POLE4: variants seen among roughly 807,000 people sequenced by gnomAD.
POLE4 encodes DNA polymerase epsilon subunit 4.
Under a neutral mutation model 15.6 loss-of-function variants are expected in POLE4, and 15 were observed. The ratio of observed to expected loss-of-function variants is 0.96; its 90% CI spans 0.64 to 1.48. The LOEUF is 1.48. Among genes scored for constraint, POLE4 ranks in the 40% most tolerant of loss-of-function variants. The pLI, the probability that POLE4 is intolerant of heterozygous loss-of-function variation, is 0.00. For missense variants in POLE4, 205 were observed against 151.9 expected (o/e 1.35, Z -1.84); for synonymous variants, 83 against 63.2 (o/e 1.31, Z -1.49).
chr2:74,959,069 C>T, intron 1 of POLE4, 177 bp downstream of exon 1: 1 of 631,904 alleles, frequency 1.6e-6, no homozygotes, highest in South Asian at 1.9e-5. Context: ...TAACACTCCT[C>T]CCTCTTGTTG....
Position 74,958,672 on chromosome 2 carries a change from A to G in POLE4, c.-8A>G. On this transcript the variant is annotated 5_prime_UTR_variant, in exon 1 of 4. Coordinates refer to ENST00000483063, the MANE Select transcript of POLE4 (RefSeq NM_019896.4). Reference sequence around the variant, plus strand: ...TCGGCGGCCGCGCGCAGCACGCTCAAGGCCGGGATGGCGGCGGCGGCGGCG... The same window carrying G: ...TCGGCGGCCGCGCGCAGCACGCTCAGGGCCGGGATGGCGGCGGCGGCGGCG... 2 of 1,444,394 alleles carry G rather than the reference A, an allele frequency of 1.4e-6. No homozygotes were observed. The highest frequency in any genetic ancestry group is 1.5e-5 in the South Asian group (1 of 68,654). 89.5% of individuals were successfully genotyped at this position (1,444,394 alleles called of 1,614,324 possible).
At position 74,960,731 on chromosome 2, in the gene POLE4, G is replaced by A. The variant is rs1334048949; in HGVS notation, c.340+585G>A. On this transcript the variant is annotated intron_variant, in intron 3 of 3. Coordinates refer to ENST00000483063, the MANE Select transcript of POLE4 (RefSeq NM_019896.4). ...CTGATCAGCTTACTCTTCACTACAC[G>A]TATGTAGTCATGTGCTGCGTAATAA... 20 of 402,248 alleles carry A rather than the reference G, an allele frequency of 5.0e-5. No individual in the cohort carries two copies. In the East Asian group the frequency reaches 1.1e-3, roughly 22 times the overall value. The allele number at this position is 402,248 out of a possible 1,614,324, so 24.9% of individuals were successfully genotyped here.
At chr2:74,963,286 G>A (rs968648732) in intron 3 of POLE4, among the ~76,000 whole-genome samples, 4 of 152,054 alleles carry the variant, frequency 2.6e-5, no homozygotes, top group Non-Finnish European at 4.4e-5. Context: ...CCCACACTTG[G>A]TATTACCAGA....
chr2:74,958,943 G>GCGGGGCCT (rs1339174732), intron 1 of POLE4, 51 bp downstream of exon 1: 6 of 1,504,172 alleles, frequency 4.0e-6, no homozygotes, highest in Middle Eastern at 1.7e-4. Context: ...GGAGTGTGGG[G>GCGGGGCCT]CGGGGCCTCG....
Position 74,969,722 on chromosome 2 carries a change from G to C in POLE4, c.*300G>C. 2.3e-6 allele frequency: 1 copy of C among 437,978 alleles called. No individual in the cohort carries two copies. 27.1% of individuals were successfully genotyped at this position (437,978 alleles called of 1,614,324 possible). ...GATGAGGACCAGAATAAAGGTTTTT[G>C]ATCAACCTCAGTCCAGTGTGTTTTA... On this transcript the variant is annotated 3_prime_UTR_variant, in exon 4 of 4. Coordinates refer to ENST00000483063, the MANE Select transcript of POLE4 (RefSeq NM_019896.4).
intron 3 of POLE4, chr2:74,960,461 C>G (rs1045704561): frequency 2.8e-5 from 13 of 467,966 alleles, no homozygotes; most frequent in Admixed American, 9.4e-5. Context: ...GCTTGCCCCC[C>G]CTCATCATGT....
intron 3 of POLE4, among the ~76,000 whole-genome samples, chr2:74,963,075 T>C (rs368277588): frequency 7.9e-5 from 12 of 152,370 alleles, no homozygotes; most frequent in African/African-American, 2.2e-4. Context: ...TCTCCTATTA[T>C]AAACAATTTG....
chr2:74,967,448 T>A (rs931829193), intron 3 of POLE4, among the ~76,000 whole-genome samples: 9 of 152,144 alleles, frequency 5.9e-5, no homozygotes, highest in Admixed American at 2.0e-4. Flanking sequence ...GAGTACTTTT[T>A]GTTGTTCTTA....
chr2:74,959,471 G>T, intron 2 of POLE4, 46 bp downstream of exon 2: 1 of 1,286,976 alleles, frequency 7.8e-7, no homozygotes, highest in Non-Finnish European at 1.1e-6. Context: ...GGAGGGCTGG[G>T]CTGGTTTCCC....
In POLE4 at chr2:74,959,420, A is replaced by T; in HGVS notation, c.293A>T (p.Asp98Val). The T allele has an allele frequency of 6.2e-7, 1 of 1,606,814 alleles. No individual in the cohort carries two copies. The highest frequency in any genetic ancestry group is 8.5e-7 in the Non-Finnish European group (1 of 1,173,456). ...AAAAGGAAAACCCTTCAGAGGAGAG[A>T]CTTGGGTAGAGTGGCACTGCAGTGT... Reference protein sequence around the residue: ...QGKRKTLQRRDLDNAIEAVDE... With the variant: ...QGKRKTLQRRVLDNAIEAVDE... The change falls in exon 2 of 4, where the codon GAC becomes GTC. Residue 98 changes from aspartate to valine, a missense_variant. By Grantham distance (152) the Asp-to-Val change is radical (BLOSUM62 -3). Coordinates refer to ENST00000483063, the MANE Select transcript of POLE4 (RefSeq NM_019896.4).
chr2:74,959,155 G>A (rs919567402), intron 1 of POLE4, 186 bp from the exon 2 acceptor site: 5 of 614,824 alleles, frequency 8.1e-6, no homozygotes, highest in Middle Eastern at 2.6e-4. Flanking sequence ...TTTAGTGAAT[G>A]AGGGAGAATA....
chr2:74,963,547 A>T (rs538999037), intron 3 of POLE4, among the ~76,000 whole-genome samples: 26 of 151,918 alleles, frequency 1.7e-4, no homozygotes, highest in African/African-American at 5.6e-4. Flanking sequence ...TTTGTCATCC[A>T]GGCTGGAATG....
intron 3 of POLE4, 104 bp from the exon 4 acceptor site, chr2:74,969,305 T>C: frequency 1.0e-6 from 1 of 1,003,768 alleles, no homozygotes; most frequent in South Asian, 1.3e-5. Flanking sequence ...CTTAGAGAAC[T>C]GCTGCCAATA....
chr2:74,960,052 C>A, intron 2 of POLE4, 53 bp from the exon 3 acceptor site: 2 of 1,516,870 alleles, frequency 1.3e-6, no homozygotes, highest in Non-Finnish European at 1.8e-6. Flanking sequence ...TGTTTTCTGA[C>A]TGAGGTCAGC....
chr2:74,967,364 G>A (rs541135381), intron 3 of POLE4, among the ~76,000 whole-genome samples: 1 of 146,086 alleles, frequency 6.8e-6, no homozygotes, highest in African/African-American at 2.5e-5. Context: ...TTTCAGTACT[G>A]TGAGTTCTGT....
At chr2:74,966,440 C>T (rs1671297491) in intron 3 of POLE4, among the ~76,000 whole-genome samples, 1 of 152,164 alleles carries the variant, frequency 6.6e-6, no homozygotes. Context: ...TTCATTTCGT[C>T]ACCCAGGCTG....
chr2:74,958,839 C>G lies in POLE4; in HGVS notation c.160C>G (p.Pro54Ala). ...AGTGAAGGCCTTGGTGAAGGCAGAT[C>G]CCGACGTGACGCTAGCGGGACAGGA... ...ARVKALVKAD[P>A]DVTLAGQEAI... The change falls in exon 1 of 4, where the codon CCC (proline) becomes GCC (alanine). Residue 54 changes from proline (P) to alanine (A), a missense_variant. Transcript: ENST00000483063. 2 of 1,560,572 alleles carry G rather than the reference C, an allele frequency of 1.3e-6. No homozygotes were observed. The highest frequency in any genetic ancestry group is 4.8e-5 in the East Asian group (2 of 41,474).
chr2:74,963,164 G>T (rs1671248696), intron 3 of POLE4, among the ~76,000 whole-genome samples: 1 of 152,170 alleles, frequency 6.6e-6, no homozygotes, highest in African/African-American at 2.4e-5. Context: ...TGGGACCTAG[G>T]CTATATAGAG....
At chr2:74,960,178 G>T in intron 3 of POLE4, 32 bp downstream of exon 3, 1 of 1,578,134 alleles carries the variant, frequency 6.3e-7, no homozygotes, top group Non-Finnish European at 8.7e-7. Context: ...AATCATTTCC[G>T]CCTGTCTTTT....
Sources: allele counts gnomAD v4.1 joint callset (sites outside exome capture counted in the v4.1 genomes callset), GRCh38; gene constraint gnomAD v4.1.1; transcripts MANE v1.5; gene names NCBI Gene and HGNC (gene_info 2026-07-23, HGNC 2026-07-21).